The following FBXO40 variants were observed in gnomAD, a reference collection of about 807,000 sequenced individuals.
FBXO40 encodes the protein F-box only protein 40.
A neutral mutation model predicts 49.9 loss-of-function variants in FBXO40; 50 were observed. The ratio of observed to expected loss-of-function variants is 1.00; its 90% CI spans 0.80 to 1.27. The LOEUF (loss-of-function observed/expected upper bound fraction) is 1.27. Ranked by LOEUF, FBXO40 falls within the 50% of genes most tolerant of loss-of-function variation. The pLI is 0.00. For synonymous variants in FBXO40, 340 were observed against 320.2 expected, an observed-to-expected ratio of 1.06 and a Z score of -0.66; for missense variants, 895 against 870.1, an observed-to-expected ratio of 1.03 and a Z score of -0.36.
rs1186318089 is a variant in FBXO40, at chr3:121,629,934, G to A, written c.*3024G>A. 1 of 152,278 alleles carries A rather than the reference G, an allele frequency of 6.6e-6. No homozygotes were observed. The highest frequency in any genetic ancestry group is 1.9e-4 in the East Asian group (1 of 5,202). 9.4% of individuals were successfully genotyped at this position (152,278 alleles called of 1,614,324 possible). On this transcript the variant is annotated 3_prime_UTR_variant, in exon 4 of 4. Coordinates refer to ENST00000338040, the MANE Select transcript of FBXO40 (RefSeq NM_016298.4). ...CAAAGACGGACTGTGTACACAGGGA[G>A]GGAGGATGTCTATGGGCAGAGCCCT...
In FBXO40 at chr3:121,617,077, A is replaced by C. The variant is rs953976308; in HGVS notation, c.-30-3469A>C. 1.8e-4 allele frequency among the ~76,000 whole-genome samples: 27 copies of C among 152,178 alleles called. 1 individual carries two copies. Among genetic ancestry groups the C allele is most frequent in the Admixed American group, 1.1e-3 (17 of 15,278 alleles). ...ATGGATATGAACAGACAGAGAAAAC[A>C]AGTTTTAGTGTTTGATAGCAGAGTA... On this transcript the variant is annotated intron_variant, in intron 1 of 3. Coordinates refer to ENST00000338040, the MANE Select transcript of FBXO40 (RefSeq NM_016298.4).
In FBXO40 at chr3:121,623,323, T is replaced by C; in HGVS notation, c.1894T>C (p.Ser632Pro). 1 of 1,613,738 alleles carries C rather than the reference T, an allele frequency of 6.2e-7. No homozygotes were observed. Among genetic ancestry groups the C allele is most frequent in the East Asian group, 2.2e-5 (1 of 44,882 alleles). Residue 632 changes from serine to proline, a missense_variant, in exon 3 of 4, where the codon TCC becomes CCC. Physicochemically the swap from Ser to Pro is moderately conservative, Grantham distance 74. Coordinates refer to ENST00000338040, the MANE Select transcript of FBXO40 (RefSeq NM_016298.4). ...KKKRYSHGGT[S>P]WRVHREIWQF... is the part of the protein sequence containing the mutation. ...AAAGAGGTATTCCCATGGAGGCACC[T>C]CCTGGAGAGTCCACAGAGAGGTAAG... is the stretch of plus-strand genomic sequence containing the variant.
chr3:121,612,771 T>C (rs552908169), intron 1 of FBXO40, among the ~76,000 whole-genome samples: 1 of 152,000 alleles, frequency 6.6e-6, no homozygotes, highest in East Asian at 1.9e-4. Flanking sequence ...CAGTGTTATA[T>C]TAAAAAAAAA....
chr3:121,608,792 C>T (rs1377731262), intron 1 of FBXO40, among the ~76,000 whole-genome samples: 2 of 152,164 alleles, frequency 1.3e-5, no homozygotes, highest in Non-Finnish European at 2.9e-5. Flanking sequence ...GGTCGAGTTG[C>T]TTAGAAAAAT....
chr3:121,623,018 A>G lies in FBXO40; in HGVS notation c.1589A>G (p.Gln530Arg), dbSNP rs953829652. The change falls in exon 3 of 4, where the codon CAA becomes CGA. Residue 530 changes from glutamine (Q) to arginine (R), a missense_variant. Transcript: ENST00000338040. ...CAAAACCATTTCCGTCCCCCAGGGC[A>G]AAAGGCAAAAGTAATCTATAGCCAG... ...FVQNHFRPPG[Q>R]KAKVIYSQEL... The G allele has an allele frequency of 6.2e-7, 1 of 1,614,242 alleles. No homozygotes were observed. The highest frequency in any genetic ancestry group is 2.2e-5 in the East Asian group (1 of 44,880).
Position 121,623,196 on chromosome 3 carries a change from C to T in FBXO40, c.1767C>T (p.Asp589=), listed in dbSNP as rs1339582543. The T allele has an allele frequency of 6.2e-7, 1 of 1,614,202 alleles. No homozygotes were observed. The highest frequency in any genetic ancestry group is 1.7e-5 in the Admixed American group (1 of 60,024). Residue 589 remains aspartate, a synonymous_variant, in exon 3 of 4, where the codon GAC becomes GAT. Transcript: ENST00000338040. ...EILKYIAGFL[D]SVSLAQLSQV... ...TGAAGTACATTGCTGGGTTCTTGGA[C>T]AGCGTCAGCCTGGCCCAGCTCTCCC...
rs200497241 is a variant in FBXO40 at position 121,622,753 on chromosome 3, A to G, written c.1324A>G (p.Thr442Ala). 1 of 1,614,182 alleles carries G rather than the reference A, an allele frequency of 6.2e-7. No individual in the cohort carries two copies. The highest frequency in any genetic ancestry group is 8.5e-7 in the Non-Finnish European group (1 of 1,180,036). The change falls in exon 3 of 4, where the codon ACA becomes GCA. Residue 442 changes from threonine to alanine, a missense_variant. Transcript: ENST00000338040. ...NFEPEQFSSG[T>A]VLADLTAATP... ...TGAGCCAGAACAGTTTTCCTCTGGGACAGTGCTGGCTGACCTAACCGCTGC... is the reference window on the plus strand; with the variant it reads ...TGAGCCAGAACAGTTTTCCTCTGGGGCAGTGCTGGCTGACCTAACCGCTGC...
At chr3:121,604,811 G>C (rs115648779) in intron 1 of FBXO40, among the ~76,000 whole-genome samples, 1 of 152,108 alleles carries the variant, frequency 6.6e-6, no homozygotes, top group Non-Finnish European at 1.5e-5. Flanking sequence ...CATTGGCAAT[G>C]ACCTCAACAT....
chr3:121,604,660 T>A (rs1419140808), intron 1 of FBXO40, among the ~76,000 whole-genome samples: 1 of 152,236 alleles, frequency 6.6e-6, no homozygotes, highest in African/African-American at 2.4e-5. Context: ...TTGATTCTGA[T>A]AATAGCACAG....
intron 1 of FBXO40, among the ~76,000 whole-genome samples, chr3:121,598,649 A>G (rs2108843715): frequency 6.6e-6 from 1 of 152,326 alleles, no homozygotes; most frequent in South Asian, 2.1e-4. Flanking sequence ...CCGGGTGAGC[A>G]AGGATGATGC....
In FBXO40 at chr3:121,621,781, G is replaced by A; in HGVS notation, c.352G>A (p.Glu118Lys). Residue 118 changes from glutamate to lysine, a missense_variant, in exon 3 of 4, where the codon GAG becomes AAG. Glu to Lys is a moderately conservative substitution (Grantham distance 56). Coordinates refer to ENST00000338040, the MANE Select transcript of FBXO40 (RefSeq NM_016298.4). ...CACCCTTCATGAAAACATCATGAAA[G>A]AGACCCCCAGTGAGGAGTGTTTGGA... is the stretch of plus-strand genomic sequence containing the variant. ...ETTLHENIMK[E>K]TPSEECLDTA... is the part of the protein sequence containing the mutation. 1.2e-6 allele frequency: 2 copies of A among 1,614,230 alleles called. No homozygotes were observed. The highest frequency in any genetic ancestry group is 1.1e-5 in the South Asian group (1 of 91,088).
intron 1 of FBXO40, among the ~76,000 whole-genome samples, chr3:121,602,313 A>AT (rs953197072): frequency 7.2e-5 from 11 of 152,026 alleles, no homozygotes; most frequent in African/African-American, 2.7e-4. Flanking sequence ...GCATCTCCAC[A>AT]TTCCAGTCCC....
intron 1 of FBXO40, among the ~76,000 whole-genome samples, chr3:121,605,982 A>G (rs1407538490): frequency 6.6e-6 from 1 of 152,226 alleles, no homozygotes; most frequent in Non-Finnish European, 1.5e-5. Context: ...GCAATAGTGA[A>G]AGGAAGGATA....
At chr3:121,609,337 G>A (rs1269749977) in intron 1 of FBXO40, among the ~76,000 whole-genome samples, 1 of 151,630 alleles carries the variant, frequency 6.6e-6, no homozygotes, top group Non-Finnish European at 1.5e-5. Flanking sequence ...AGGAAATTTA[G>A]CAATTTAACG....
At chr3:121,612,976 G>C (rs1315071894) in intron 1 of FBXO40, among the ~76,000 whole-genome samples, 1 of 151,642 alleles carries the variant, frequency 6.6e-6, no homozygotes, top group Non-Finnish European at 1.5e-5. Flanking sequence ...AGGCTGAGGC[G>C]GGAGAATGGC....
chr3:121,600,921 G>A (rs1451683585), intron 1 of FBXO40, among the ~76,000 whole-genome samples: 2 of 152,168 alleles, frequency 1.3e-5, no homozygotes, highest in Non-Finnish European at 2.9e-5. Flanking sequence ...CCTGTTACTG[G>A]GCACAGGAAC....
At position 121,627,077 on chromosome 3, in the gene FBXO40, A is replaced by C. The variant is rs1277639431; in HGVS notation, c.*167A>C. ...CGAAACCTCAACACGAGGCCTAAGA[A>C]TTTCCTAAGCCATGTCTTGTACCAT... On this transcript the variant is annotated 3_prime_UTR_variant, in exon 4 of 4. Coordinates refer to ENST00000338040, the MANE Select transcript of FBXO40 (RefSeq NM_016298.4). 1 of 622,580 alleles carries C rather than the reference A, an allele frequency of 1.6e-6. No individual in the cohort carries two copies. Among genetic ancestry groups the C allele is most frequent in the East Asian group, 2.8e-5 (1 of 36,314 alleles). The allele number at this position is 622,580 out of a possible 1,614,324, so 38.6% of individuals were successfully genotyped here. A position where few individuals can be genotyped will look rare whatever the true frequency, so the allele number is the denominator to read the frequency against.
At chr3:121,608,708 C>T (rs1048669122) in intron 1 of FBXO40, among the ~76,000 whole-genome samples, 5 of 152,110 alleles carry the variant, frequency 3.3e-5, no homozygotes, top group African/African-American at 1.2e-4. Flanking sequence ...CTAATGTTAG[C>T]GTATTAGCTT....
chr3:121,621,465 C>G lies in FBXO40; in HGVS notation c.36C>G (p.His12Gln), dbSNP rs762165273. ...CCCGCAGATCCCCGCCAGGGCACCACAGGCATTGTGAGGGATGCTTCAACC... is the reference window on the plus strand; with the variant it reads ...CCCGCAGATCCCCGCCAGGGCACCAGAGGCATTGTGAGGGATGCTTCAACC... ...GKARRSPPGHHRHCEGCFNRH... is the reference protein window; with the variant it reads ...GKARRSPPGHQRHCEGCFNRH... The change falls in exon 3 of 4, where the codon CAC (histidine) becomes CAG (glutamine). Residue 12 changes from histidine (H) to glutamine (Q), a missense_variant. His to Gln is a conservative substitution (Grantham distance 24). Coordinates refer to ENST00000338040, the MANE Select transcript of FBXO40 (RefSeq NM_016298.4). 1.2e-6 allele frequency: 2 copies of G among 1,614,078 alleles called. No homozygotes were observed. Among genetic ancestry groups the G allele is most frequent in the South Asian group, 1.1e-5 (1 of 91,054 alleles).
Sources: gnomAD v4.1 joint callset for allele counts (sites outside exome capture counted in the v4.1 genomes callset) on GRCh38, gnomAD v4.1.1 for gene constraint, MANE v1.5 for transcripts, NCBI Gene and HGNC (gene_info 2026-07-23, HGNC 2026-07-21) for gene names.